The following GPATCH2L variants were observed in gnomAD, a reference collection of about 807,000 sequenced individuals.
GPATCH2L encodes G patch domain-containing protein 2-like.
Under a neutral mutation model 57.4 loss-of-function variants are expected in GPATCH2L, and 31 were observed. The observed-to-expected ratio is 0.54, with a 90% CI of 0.41 to 0.73. The LOEUF (loss-of-function observed/expected upper bound fraction) is 0.73, where lower values mean the gene tolerates loss of function less well. GPATCH2L is among the 30% of genes least tolerant of loss of function. The pLI, the probability that GPATCH2L is intolerant of heterozygous loss-of-function variation, is 0.00. For synonymous variants in GPATCH2L, 199 were observed against 210.7 expected (o/e 0.94, Z 0.48); for missense variants, 481 against 599.9 (o/e 0.80, Z 2.07).
At position 76,209,551 on chromosome 14, in the gene GPATCH2L, C is replaced by A. The variant is rs1409389414; in HGVS notation, c.*7700C>A. 1 of 152,376 alleles carries A rather than the reference C, an allele frequency of 6.6e-6. No individual in the cohort carries two copies. The highest frequency in any genetic ancestry group is 1.5e-5 in the Non-Finnish European group (1 of 68,194). The allele number at this position is 152,376 out of a possible 1,614,324, so 9.4% of individuals were successfully genotyped here. On this transcript the variant is annotated 3_prime_UTR_variant, in exon 10 of 10. Coordinates refer to ENST00000261530, the MANE Select transcript of GPATCH2L (RefSeq NM_017926.4). ...TGGACTGTGTTCCCTCTTCTGCTTT[C>A]TCCTCTTCCGGGTCTTGGACTGGTA...
chr14:76,186,872 T>G (rs900607982), intron 8 of GPATCH2L, among the ~76,000 whole-genome samples: 2 of 152,308 alleles, frequency 1.3e-5, no homozygotes, highest in Middle Eastern at 3.4e-3. Context: ...TTAGCCCAGC[T>G]AAGGGAATTA....
chr14:76,195,672 TA>T (rs35133557), intron 8 of GPATCH2L, among the ~76,000 whole-genome samples: 2 of 152,190 alleles, frequency 1.3e-5, no homozygotes, highest in Non-Finnish European at 2.9e-5. Flanking sequence ...TGAAATCAGG[TA>T]AAAAGTTTAG....
At position 76,205,964 on chromosome 14, in the gene GPATCH2L, C is replaced by G. The variant is rs1339054313; in HGVS notation, c.*4113C>G. On this transcript the variant is annotated 3_prime_UTR_variant, in exon 10 of 10. Coordinates refer to ENST00000261530, the MANE Select transcript of GPATCH2L (RefSeq NM_017926.4). Reference sequence around the variant, plus strand: ...TGCCCTATATGTCTTGTGAACCTATCTGAGCTGGGCTGAGAGCAGAGTGGC... The same window carrying G: ...TGCCCTATATGTCTTGTGAACCTATGTGAGCTGGGCTGAGAGCAGAGTGGC... 6.6e-6 allele frequency: 1 copy of G among 152,552 alleles called. No homozygotes were observed. The highest frequency in any genetic ancestry group is 1.5e-5 in the Non-Finnish European group (1 of 68,122). The allele number at this position is 152,552 out of a possible 1,614,324, so 9.4% of individuals were successfully genotyped here. A position where few individuals can be genotyped will look rare whatever the true frequency, so the allele number is the denominator to read the frequency against.
At chr14:76,186,430 A>C (rs2039769360) in intron 8 of GPATCH2L, among the ~76,000 whole-genome samples, 1 of 152,192 alleles carries the variant, frequency 6.6e-6, no homozygotes, top group South Asian at 2.1e-4. Context: ...GACTCACTTC[A>C]TGCTATTAAT....
chr14:76,178,857 C>A (rs1323851835), intron 7 of GPATCH2L: 1 of 152,318 alleles, frequency 6.6e-6, no homozygotes, highest in Admixed American at 6.5e-5. Context: ...CCCTGGCTAC[C>A]CCCTGAGGGG....
At chr14:76,191,621 TTTC>T (rs2039967586) in intron 8 of GPATCH2L, among the ~76,000 whole-genome samples, 1 of 152,122 alleles carries the variant, frequency 6.6e-6, no homozygotes, top group Non-Finnish European at 1.5e-5. Flanking sequence ...TTGTTCTCTT[TTTC>T]TTCCTCTTCT....
At chr14:76,170,230 A>G (rs1377194908) in intron 3 of GPATCH2L, among the ~76,000 whole-genome samples, 1 of 152,214 alleles carries the variant, frequency 6.6e-6, no homozygotes, top group Non-Finnish European at 1.5e-5. Flanking sequence ...CATGAATCTC[A>G]TACTTCATGG....
At chr14:76,187,744 T>C (rs55990652) in intron 8 of GPATCH2L, among the ~76,000 whole-genome samples, 34,045 of 152,018 alleles carry the variant, frequency 0.22, 4,500 homozygotes, top group African/African-American at 0.37. Context: ...TTTACTTTTA[T>C]TTAAAAATGT....
intron 8 of GPATCH2L, among the ~76,000 whole-genome samples, chr14:76,191,656 T>A (rs2039969032): frequency 1.3e-5 from 2 of 152,246 alleles, no homozygotes; most frequent in South Asian, 2.1e-4. Context: ...TATTTTATTT[T>A]AAAAAACTGA....
chr14:76,214,710 T>C (rs760660259), downstream of GPATCH2L, among the ~76,000 whole-genome samples: 90 of 152,176 alleles, frequency 5.9e-4, no homozygotes, highest in Non-Finnish European at 1.2e-3. Flanking sequence ...GCCAACACTT[T>C]GGGGGTTAGG....
chr14:76,201,426 T>C (rs1044035382), intron 9 of GPATCH2L, among the ~76,000 whole-genome samples: 1 of 152,200 alleles, frequency 6.6e-6, no homozygotes, highest in African/African-American at 2.4e-5. Flanking sequence ...AATAAGTGAT[T>C]TTTACTACAT....
At chr14:76,233,198 A>T (rs1225734568) in intron 2 of GPATCH2L, among the ~76,000 whole-genome samples, 1 of 152,230 alleles carries the variant, frequency 6.6e-6, no homozygotes, top group African/African-American at 2.4e-5. Flanking sequence ...CGAAGGATAT[A>T]AATATTTTAA....
Position 76,154,430 on chromosome 14 carries a change from G to C in GPATCH2L, c.67G>C (p.Glu23Gln). The C allele has an allele frequency of 6.2e-7, 1 of 1,614,194 alleles. No individual in the cohort carries two copies. Among genetic ancestry groups the C allele is most frequent in the African/African-American group, 1.3e-5 (1 of 75,068 alleles). Residue 23 changes from glutamate to glutamine, a missense_variant, in exon 2 of 10, where the codon GAA becomes CAA. Physicochemically the swap from Glu to Gln is conservative, Grantham distance 29. Coordinates refer to ENST00000261530, the MANE Select transcript of GPATCH2L (RefSeq NM_017926.4). The surrounding 1 kb of genome is among the most constrained non-coding windows in gnomAD (Gnocchi z 4.4). ...EQTSEQNKLG[E>Q]LWEEMALSPR... ...GACATCTGAGCAGAATAAGCTTGGT[G>C]AACTGTGGGAGGAGATGGCGCTGAG...
chr14:76,170,189 T>G (rs1442018707), intron 3 of GPATCH2L, among the ~76,000 whole-genome samples: 2 of 152,208 alleles, frequency 1.3e-5, no homozygotes, highest in Non-Finnish European at 2.9e-5. Flanking sequence ...CCACAGTGAT[T>G]TAAGAGTTAT....
intron 1 of GPATCH2L, among the ~76,000 whole-genome samples, chr14:76,225,257 A>T (rs2040532015): frequency 6.6e-6 from 1 of 152,222 alleles, no homozygotes; most frequent in African/African-American, 2.4e-5. Context: ...TATTGGTGCA[A>T]GAATAAACAA....
chr14:76,188,768 A>G (rs1289326595), intron 8 of GPATCH2L, among the ~76,000 whole-genome samples: 2 of 151,994 alleles, frequency 1.3e-5, no homozygotes, highest in Non-Finnish European at 2.9e-5. Flanking sequence ...ATTACTCAAA[A>G]AATTTTTGCC....
intron 3 of GPATCH2L, among the ~76,000 whole-genome samples, chr14:76,169,864 TG>T (rs1290708376): frequency 6.6e-6 from 1 of 152,258 alleles, no homozygotes; most frequent in African/African-American, 2.4e-5. Flanking sequence ...TCTGGTTTCG[TG>T]AGATGCTTTT....
intron 2 of GPATCH2L, among the ~76,000 whole-genome samples, chr14:76,231,158 G>A (rs1231278007): frequency 1.3e-5 from 2 of 152,200 alleles, no homozygotes; most frequent in East Asian, 3.8e-4. Flanking sequence ...TGAGAATAGA[G>A]GCAATATTTA....
At chr14:76,190,052 A>G (rs1204179576) in intron 8 of GPATCH2L, among the ~76,000 whole-genome samples, 1 of 152,036 alleles carries the variant, frequency 6.6e-6, no homozygotes, top group African/African-American at 2.4e-5. Flanking sequence ...AATCTAACGC[A>G]GTCACTTCAG....
Sources: gnomAD v4.1 joint callset for allele counts (sites outside exome capture counted in the v4.1 genomes callset) on GRCh38, gnomAD v4.1.1 for gene constraint, Gnocchi (gnomAD v3.1) non-coding constraint, MANE v1.5 for transcripts, NCBI Gene and HGNC (gene_info 2026-07-23, HGNC 2026-07-21) for gene names.